ZCCHC24: variants seen among roughly 807,000 people sequenced by gnomAD.
ZCCHC24 encodes the protein zinc finger CCHC-type containing 24.
A neutral mutation model predicts 26.2 loss-of-function variants in ZCCHC24; 10 were observed. The observed-to-expected ratio is 0.38, with a 90% CI of 0.24 to 0.65. The LOEUF (loss-of-function observed/expected upper bound fraction) is 0.65. Ranked by LOEUF, ZCCHC24 falls within the 30% of genes least tolerant of loss-of-function variation. ZCCHC24 has a pLI of 0.54. For synonymous variants in ZCCHC24, 144 were observed against 147.1 expected (o/e 0.98, Z 0.15); for missense variants, 243 against 329.1 (o/e 0.74, Z 2.03).
chr10:79,443,976 A>G, intron 1 of ZCCHC24: 3 of 1,238,910 alleles, frequency 2.4e-6, no homozygotes, highest in South Asian at 1.8e-5. Context: ...TGCCTCCCCT[A>G]GTAAATAATG....
chr10:79,445,185 G>C lies in ZCCHC24; in HGVS notation c.246+10C>G, dbSNP rs1032764277. 244 of 1,274,912 alleles carry C rather than the reference G, an allele frequency of 1.9e-4. No homozygotes were observed. Among genetic ancestry groups the C allele is most frequent in the Admixed American group, 6.3e-4 (15 of 23,896 alleles). The allele number at this position is 1,274,912 out of a possible 1,614,324, so 79.0% of individuals were successfully genotyped here. A position where few individuals can be genotyped will look rare whatever the true frequency, so the allele number is the denominator to read the frequency against. On this transcript the variant is annotated intron_variant, in intron 1 of 3. Transcript: ENST00000372336. ...TGGGGCGGTGGGCGGGGGCGCGCGG[G>C]GGCACCCACCTCTCCGCGCTGCAGC...
chr10:79,388,172 T>C (rs1450562068), intron 3 of ZCCHC24, among the ~76,000 whole-genome samples: 8 of 152,146 alleles, frequency 5.3e-5, no homozygotes, highest in African/African-American at 1.7e-4. Context: ...AGCTTTCTCA[T>C]GGGCTTGTTC....
chr10:79,399,889 T>C (rs1387872628), intron 2 of ZCCHC24, among the ~76,000 whole-genome samples: 1 of 152,186 alleles, frequency 6.6e-6, no homozygotes, highest in Non-Finnish European at 1.5e-5. Context: ...TCTCTTGAGG[T>C]TGGCTGGGAG....
intron 3 of ZCCHC24, among the ~76,000 whole-genome samples, chr10:79,388,729 C>T (rs1240354546): frequency 1.3e-5 from 2 of 152,238 alleles, no homozygotes; most frequent in Non-Finnish European, 2.9e-5. Flanking sequence ...ATGGCTTACA[C>T]ATTATGTGGC....
intron 2 of ZCCHC24, among the ~76,000 whole-genome samples, chr10:79,415,637 G>T (rs2132199775): frequency 6.6e-6 from 1 of 152,224 alleles, no homozygotes; most frequent in Admixed American, 6.5e-5. Context: ...ACTCCTCCCT[G>T]CACCCTCTCC....
chr10:79,387,001 C>T (rs529622124), intron 3 of ZCCHC24, among the ~76,000 whole-genome samples: 1 of 152,220 alleles, frequency 6.6e-6, no homozygotes, highest in Non-Finnish European at 1.5e-5. Flanking sequence ...ACTCTCCACT[C>T]GCAGCCCTGC....
Position 79,417,262 on chromosome 10 carries a change from G to A in ZCCHC24, c.447+15296C>T, listed in dbSNP as rs1256943486. Among the ~76,000 whole-genome samples, 3 of 106,828 alleles carry A rather than the reference G, an allele frequency of 2.8e-5. 1 individual carries two copies. Among genetic ancestry groups the A allele is most frequent in the Non-Finnish European group, 6.6e-5 (3 of 45,262 alleles). 70.1% of individuals were successfully genotyped at this position (106,828 alleles called of 152,430 possible). On this transcript the variant is annotated intron_variant, in intron 2 of 3. Transcript: ENST00000372336. ...TCCCCAGGAAGGAGCAGAGGAGCAT[G>A]GGCCCCTGTTGGGTTTTACCCCTTG...
At chr10:79,427,358 A>C (rs1040024857) in intron 2 of ZCCHC24, among the ~76,000 whole-genome samples, 9 of 152,198 alleles carry the variant, frequency 5.9e-5, no homozygotes, top group Admixed American at 5.2e-4. Context: ...GACATCTATA[A>C]AACACTCCAC....
intron 2 of ZCCHC24, among the ~76,000 whole-genome samples, chr10:79,408,444 C>A (rs900955542): frequency 6.6e-6 from 1 of 152,142 alleles, no homozygotes; most frequent in African/African-American, 2.4e-5. Context: ...AGCCAGGGAG[C>A]AGGGAAGGCT....
intron 2 of ZCCHC24, among the ~76,000 whole-genome samples, chr10:79,421,343 C>T (rs11598912): frequency 0.35 from 52,816 of 152,072 alleles, 10,823 homozygotes; most frequent in Middle Eastern, 0.53. Flanking sequence ...CTTCAGCACC[C>T]ATCCCCTGCT....
At chr10:79,423,953 G>A (rs1333060556) in intron 2 of ZCCHC24, among the ~76,000 whole-genome samples, 1 of 150,530 alleles carries the variant, frequency 6.6e-6, no homozygotes, top group Non-Finnish European at 1.5e-5. Context: ...AAAAAGTGGA[G>A]GTTGCAGTGA....
chr10:79,414,174 G>A (rs917482113), intron 2 of ZCCHC24, among the ~76,000 whole-genome samples: 1 of 152,214 alleles, frequency 6.6e-6, no homozygotes, highest in Non-Finnish European at 1.5e-5. Flanking sequence ...AAGCCTTGGC[G>A]GCCAACTGCC....
At chr10:79,421,689 C>T (rs1157976271) in intron 2 of ZCCHC24, among the ~76,000 whole-genome samples, 2 of 151,994 alleles carry the variant, frequency 1.3e-5, no homozygotes, top group African/African-American at 4.8e-5. Flanking sequence ...TGCAGTGGTG[C>T]GATCTCGGCT....
intron 2 of ZCCHC24, chr10:79,403,441 G>C (rs7903019): frequency 4.1e-6 from 4 of 985,180 alleles, no homozygotes; most frequent in Admixed American, 6.2e-5. Context: ...ATGCACGGCC[G>C]GGGGAGGCAG....
intron 2 of ZCCHC24, among the ~76,000 whole-genome samples, chr10:79,398,946 G>A (rs947156399): frequency 1.3e-5 from 2 of 152,176 alleles, no homozygotes; most frequent in East Asian, 1.9e-4. Flanking sequence ...GGCTCAGCAG[G>A]CTCTTCCACA....
intron 2 of ZCCHC24, among the ~76,000 whole-genome samples, chr10:79,427,071 A>G (rs1857038465): frequency 6.6e-6 from 1 of 151,026 alleles, no homozygotes; most frequent in Non-Finnish European, 1.5e-5. Flanking sequence ...CTTTAAAACA[A>G]AAAAAAAACA....
At chr10:79,421,667 C>G (rs57563841) in intron 2 of ZCCHC24, among the ~76,000 whole-genome samples, 29,519 of 152,020 alleles carry the variant, frequency 0.19, 3,246 homozygotes, top group East Asian at 0.52. Context: ...GCTCTTGTTG[C>G]CCAGGCTGGA....
rs1472669377 is a variant in ZCCHC24, at chr10:79,439,036, G to A, written c.246+6159C>T. Among the ~76,000 whole-genome samples, 4 of 152,350 alleles carry A rather than the reference G, an allele frequency of 2.6e-5. No individual in the cohort carries two copies. In the East Asian group the frequency reaches 7.7e-4, roughly 29 times the overall value. ...TTAGCTAGACTGTACTCTGTCTGGA[G>A]TACCACTGAGGCTTGCAGCCTCCAT... On this transcript the variant is annotated intron_variant, in intron 1 of 3. Transcript: ENST00000372336.
chr10:79,422,449 C>T (rs1205164190), intron 2 of ZCCHC24, among the ~76,000 whole-genome samples: 1 of 152,170 alleles, frequency 6.6e-6, no homozygotes, highest in Non-Finnish European at 1.5e-5. Flanking sequence ...GGCTGGGGTC[C>T]GAGGGCTGCA....
Sources: allele counts gnomAD v4.1 joint callset (sites outside exome capture counted in the v4.1 genomes callset), GRCh38; gene constraint gnomAD v4.1.1; transcripts MANE v1.5; gene names NCBI Gene and HGNC (gene_info 2026-07-23, HGNC 2026-07-21).